The following PDE5A variants were observed in gnomAD, a reference collection of about 807,000 sequenced individuals.
PDE5A encodes the protein phosphodiesterase 5A.
Under a neutral mutation model 110.2 loss-of-function variants are expected in PDE5A, and 67 were observed. The ratio of observed to expected loss-of-function variants is 0.61; its 90% CI spans 0.50 to 0.75. The LOEUF is 0.75. PDE5A is among the 30% of genes least tolerant of loss of function. The probability of loss-of-function intolerance (pLI) is 0.00; values close to 1 mark genes in which losing one functional copy is unlikely to be tolerated. For synonymous variants in PDE5A, 328 were observed against 351.2 expected (o/e 0.93, Z 0.74); for missense variants, 862 against 1,045.1 (o/e 0.82, Z 2.42).
intron 3 of PDE5A, among the ~76,000 whole-genome samples, chr4:119,571,289 C>A (rs1728132339): frequency 6.6e-6 from 1 of 152,116 alleles, no homozygotes; most frequent in Non-Finnish European, 1.5e-5. Flanking sequence ...GAATATGTGA[C>A]CCTTAAATGA....
intron 3 of PDE5A, among the ~76,000 whole-genome samples, chr4:119,592,088 T>A (rs1728987777): frequency 7.3e-6 from 1 of 137,688 alleles, no homozygotes; most frequent in Non-Finnish European, 1.5e-5. Flanking sequence ...AGGCAGAGGT[T>A]GCAGTGGGCC....
In PDE5A at chr4:119,552,640, A is replaced by C; in HGVS notation, c.1309-3T>G. 2.0e-6 allele frequency: 3 copies of C among 1,494,952 alleles called. No homozygotes were observed. The highest frequency in any genetic ancestry group is 2.7e-6 in the Non-Finnish European group (3 of 1,109,876). The allele number at this position is 1,494,952 out of a possible 1,614,324, so 92.6% of individuals were successfully genotyped here. A position where few individuals can be genotyped will look rare whatever the true frequency, so the allele number is the denominator to read the frequency against. ...TTTACATTTCCTGTATTTTCAGTCTAAACAAAAATAAAAAGAACAAAACAG... is the reference window on the plus strand; with the variant it reads ...TTTACATTTCCTGTATTTTCAGTCTCAACAAAAATAAAAAGAACAAAACAG... On this transcript the variant is annotated splice_region_variant and splice_polypyrimidine_tract_variant and intron_variant, in intron 8 of 20. Transcript: ENST00000354960.
chr4:119,557,896 TATG>T (rs1727600132), intron 7 of PDE5A, among the ~76,000 whole-genome samples: 1 of 152,228 alleles, frequency 6.6e-6, no homozygotes, highest in Non-Finnish European at 1.5e-5. Context: ...TATTTTCTAA[TATG>T]ATAATCAATA....
At chr4:119,615,193 T>C (rs969295355) in intron 1 of PDE5A, among the ~76,000 whole-genome samples, 1 of 152,196 alleles carries the variant, frequency 6.6e-6, no homozygotes, top group Non-Finnish European at 1.5e-5. Flanking sequence ...CTTGGGTCTG[T>C]CAACTTAACT....
Position 119,519,112 on chromosome 4 carries a change from C to G in PDE5A, c.1933G>C (p.Ala645Pro), listed in dbSNP as rs1726021677. The change falls in exon 14 of 21, where the codon GCA becomes CCA. Residue 645 changes from alanine to proline, a missense_variant. Ala to Pro is a conservative substitution (Grantham distance 27, BLOSUM62 -1). Transcript: ENST00000354960. Reference protein sequence around the residue: ...QNKLTDLEILALLIAALSHDL... With the variant: ...QNKLTDLEILPLLIAALSHDL... ...TGGCTTAGTGCAGCAATCAGCAATG[C>G]AAGTATCTCCAGGTCAGTCAGCTTG... 6.2e-7 allele frequency: 1 copy of G among 1,613,670 alleles called. No homozygotes were observed. Among genetic ancestry groups the G allele is most frequent in the Non-Finnish European group, 8.5e-7 (1 of 1,179,726 alleles).
chr4:119,628,631 T>C lies in PDE5A; in HGVS notation c.41A>G (p.Gln14Arg), dbSNP rs1423860812. 3 of 1,613,874 alleles carry C rather than the reference T, an allele frequency of 1.9e-6. No homozygotes were observed. Among genetic ancestry groups the C allele is most frequent in the South Asian group, 1.1e-5 (1 of 91,066 alleles). ...AGPSFGQQRQQQQPQQQKQQQ... is the reference protein window; with the variant it reads ...AGPSFGQQRQRQQPQQQKQQQ... ...CTGCTTCTGCTGCTGGGGCTGCTGC[T>C]GCTGTCGCTGCTGCCCGAAGCTGGG... Residue 14 changes from glutamine (Q) to arginine (R), a missense_variant, in exon 1 of 21, where the codon CAG becomes CGG. Gln to Arg is a conservative substitution (Grantham distance 43, BLOSUM62 1). Transcript: ENST00000354960.
intron 11 of PDE5A, among the ~76,000 whole-genome samples, chr4:119,531,621 G>A (rs7695620): frequency 0.26 from 39,930 of 151,840 alleles, 5,381 homozygotes; most frequent in East Asian, 0.38. Context: ...TATTGGAATC[G>A]CTAGTGCAAA....
Position 119,519,031 on chromosome 4 carries a change from TG to T in PDE5A, c.2000+13del. 2 of 1,585,950 alleles carry T rather than the reference TG, an allele frequency of 1.3e-6. No individual in the cohort carries two copies. The highest frequency in any genetic ancestry group is 1.7e-6 in the Non-Finnish European group (2 of 1,155,510). ...AAAAGAAAACATTTTCTTGCTTTAC[TG>T]GGAAAGTCTTACCGCTGTATGTAAG... On this transcript the variant is annotated intron_variant, in intron 14 of 20. Transcript: ENST00000354960.
chr4:119,528,053 C>CA (rs3836707), intron 11 of PDE5A, among the ~76,000 whole-genome samples: 31,064 of 149,558 alleles, frequency 0.21, 3,266 homozygotes, highest in South Asian at 0.34. Flanking sequence ...ATATGGAATG[C>CA]AAAAAAAAAA....
intron 9 of PDE5A, chr4:119,549,137 AAATT>A (rs1182746934): frequency 6.6e-6 from 1 of 152,234 alleles, no homozygotes; most frequent in Non-Finnish European, 1.5e-5. Flanking sequence ...AAGCCAAAAT[AAATT>A]AACAGAGTAA....
chr4:119,608,234 T>C (rs572289451), intron 1 of PDE5A, among the ~76,000 whole-genome samples: 3 of 152,360 alleles, frequency 2.0e-5, no homozygotes, highest in South Asian at 2.1e-4. Context: ...GTAGGCTTTA[T>C]CTAAGTTTAA....
In PDE5A at chr4:119,627,071, C is replaced by T; in HGVS notation, c.152+1449G>A. ...CATCGTCCCACTGGTGCCACCGGGG[C>T]GCCACCACCCAGCACCCGAGACCCG... On this transcript the variant is annotated intron_variant, in intron 1 of 20. Coordinates refer to ENST00000354960, the MANE Select transcript of PDE5A (RefSeq NM_001083.4). The surrounding 1 kb of genome is among the most constrained non-coding windows in gnomAD (Gnocchi z 4.6). The T allele has an allele frequency of 6.6e-7, 1 of 1,523,980 alleles. No individual in the cohort carries two copies. Among genetic ancestry groups the T allele is most frequent in the Non-Finnish European group, 9.0e-7 (1 of 1,108,220 alleles). The allele number at this position is 1,523,980 out of a possible 1,614,324, so 94.4% of individuals were successfully genotyped here.
At position 119,500,745 on chromosome 4, in the gene PDE5A, A is replaced by G. The variant is rs116678653; in HGVS notation, c.2490+425T>C. The stretch of plus-strand genomic sequence containing the variant: ...AGATACGTGGAAATGGGAACCTGCA[A>G]TATTCTACCTCCTTCCTTTTAATCT... On this transcript the variant is annotated intron_variant, in intron 20 of 20. Coordinates refer to ENST00000354960, the MANE Select transcript of PDE5A (RefSeq NM_001083.4). 470 of 152,892 alleles carry G rather than the reference A, an allele frequency of 3.1e-3. 1 individual carries two copies. Among genetic ancestry groups the G allele is most frequent in the African/African-American group, 0.011 (440 of 41,574 alleles). 9.5% of individuals were successfully genotyped at this position (152,892 alleles called of 1,614,324 possible).
At chr4:119,603,155 T>C (rs1403393699) in intron 2 of PDE5A, among the ~76,000 whole-genome samples, 3 of 152,202 alleles carry the variant, frequency 2.0e-5, no homozygotes, top group African/African-American at 7.2e-5. Flanking sequence ...TTATATATCT[T>C]ACTATTAATA....
intron 11 of PDE5A, among the ~76,000 whole-genome samples, chr4:119,529,182 A>G (rs1726439181): frequency 6.6e-6 from 1 of 151,934 alleles, no homozygotes; most frequent in Non-Finnish European, 1.5e-5. Flanking sequence ...TTAATTAATA[A>G]TCTCTCTCAC....
intron 2 of PDE5A, among the ~76,000 whole-genome samples, chr4:119,597,727 A>T (rs1024712941): frequency 1.3e-5 from 2 of 152,054 alleles, no homozygotes; most frequent in Non-Finnish European, 2.9e-5. Flanking sequence ...ATTTCTTTTT[A>T]AAAAAATAAA....
intron 1 of PDE5A, among the ~76,000 whole-genome samples, chr4:119,618,041 T>C (rs1730001637): frequency 6.6e-6 from 1 of 152,136 alleles, no homozygotes; most frequent in South Asian, 2.1e-4. Context: ...TTTGCTTGCA[T>C]TAATATTGAC....
intron 18 of PDE5A, among the ~76,000 whole-genome samples, chr4:119,504,067 C>T (rs1347656342): frequency 6.6e-6 from 1 of 151,900 alleles, no homozygotes; most frequent in East Asian, 1.9e-4. Context: ...AACATTGTAC[C>T]CAGTAGGTTG....
In PDE5A at chr4:119,601,480, T is replaced by C. The variant is rs185832506; in HGVS notation, c.742-4868A>G. Among the ~76,000 whole-genome samples, 220 of 149,092 alleles carry C rather than the reference T, an allele frequency of 1.5e-3. 1 individual carries two copies. In the Middle Eastern group the frequency reaches 0.024, roughly 16 times the overall value. The stretch of plus-strand genomic sequence containing the variant: ...CACCTCCCATACCTTGTCTTATGCA[T>C]CTCTTCCATTTGGCTGCTCCTGAGT... On this transcript the variant is annotated intron_variant, in intron 2 of 20. Transcript: ENST00000354960.
Sources: allele counts gnomAD v4.1 joint callset (sites outside exome capture counted in the v4.1 genomes callset), GRCh38; gene constraint gnomAD v4.1.1; non-coding constraint Gnocchi (gnomAD v3.1); transcripts MANE v1.5; gene names NCBI Gene and HGNC (gene_info 2026-07-23, HGNC 2026-07-21).